Variants in SS18L1 observed in about 807,000 individuals in gnomAD.
SS18L1 encodes the protein calcium-responsive transactivator.
Under a neutral mutation model 70.3 loss-of-function variants are expected in SS18L1, and 32 were observed. The ratio of observed to expected loss-of-function variants is 0.46; its 90% CI spans 0.34 to 0.61. The LOEUF (loss-of-function observed/expected upper bound fraction) is 0.61, where lower values mean the gene tolerates loss of function less well. SS18L1 is among the 20% of genes least tolerant of loss of function. The pLI is 0.01. For missense variants in SS18L1, 430 were observed against 542.1 expected (o/e 0.79, Z 2.05); for synonymous variants, 237 against 229.7 (o/e 1.03, Z -0.29).
rs763967461 is a variant in SS18L1, at chr20:62,143,877, A to C, written c.57A>C (p.Gln19His). Residue 19 changes from glutamine to histidine, a missense_variant, in exon 1 of 11, where the codon CAA (glutamine) becomes CAC (histidine). Physicochemically the swap from Gln to His is conservative, Grantham distance 24. Coordinates refer to ENST00000331758, the MANE Select transcript of SS18L1 (RefSeq NM_198935.3). Reference protein sequence around the residue: ...RPRGKGEVTQQTIQKMLDENH... With the variant: ...RPRGKGEVTQHTIQKMLDENH... Reference sequence around the variant, plus strand: ...GAGGCAAAGGGGAGGTTACGCAGCAAACCATCCAGAAGGTGGGCCGGGCCG... The same window carrying C: ...GAGGCAAAGGGGAGGTTACGCAGCACACCATCCAGAAGGTGGGCCGGGCCG... The C allele has an allele frequency of 1.1e-5, 14 of 1,266,788 alleles. No homozygotes were observed. Among genetic ancestry groups the C allele is most frequent in the African/African-American group, 1.6e-5 (1 of 62,962 alleles). 78.5% of individuals were successfully genotyped at this position (1,266,788 alleles called of 1,614,324 possible).
intron 9 of SS18L1, among the ~76,000 whole-genome samples, chr20:62,173,240 C>T (rs1456529364): frequency 6.6e-6 from 1 of 152,188 alleles, no homozygotes; most frequent in African/African-American, 2.4e-5. Context: ...TTCACTGCAG[C>T]TTACAATCAC....
intron 1 of SS18L1, among the ~76,000 whole-genome samples, chr20:62,154,869 C>T (rs986567368): frequency 6.6e-6 from 1 of 152,172 alleles, no homozygotes; most frequent in Non-Finnish European, 1.5e-5. Context: ...TCCCTTTCTT[C>T]GTGATCTTTC....
chr20:62,145,686 C>A (rs1034526748), intron 1 of SS18L1, among the ~76,000 whole-genome samples: 1 of 152,210 alleles, frequency 6.6e-6, no homozygotes, highest in Non-Finnish European at 1.5e-5. Context: ...TGGGCAGAAA[C>A]TCAGCCTGCT....
At chr20:62,163,717 A>T in intron 6 of SS18L1, 95 bp downstream of exon 6, 2 of 1,420,656 alleles carry the variant, frequency 1.4e-6, no homozygotes, top group Non-Finnish European at 1.8e-6. Flanking sequence ...AGCCTGGGGG[A>T]GTGAGGCGGG....
chr20:62,154,828 C>T (rs1481158069), intron 1 of SS18L1, among the ~76,000 whole-genome samples: 5 of 152,300 alleles, frequency 3.3e-5, no homozygotes, highest in African/African-American at 1.2e-4. Context: ...GCTCCTGTCT[C>T]TGGGGCTCCT....
intron 1 of SS18L1, among the ~76,000 whole-genome samples, chr20:62,149,141 T>G (rs1005849563): frequency 1.4e-4 from 21 of 152,278 alleles, no homozygotes; most frequent in Non-Finnish European, 2.9e-4. Context: ...GGGCTGCAGG[T>G]GGTGGCAGTG....
chr20:62,163,016 G>A, intron 5 of SS18L1, 85 bp downstream of exon 5: 1 of 1,520,878 alleles, frequency 6.6e-7, no homozygotes, highest in Admixed American at 2.1e-5. Flanking sequence ...TGTGGTCCCG[G>A]GGAAGCTGCC....
At chr20:62,144,061 G>C (rs1003318876) in intron 1 of SS18L1, among the ~76,000 whole-genome samples, 172 bp downstream of exon 1, 1 of 148,864 alleles carries the variant, frequency 6.7e-6, no homozygotes, top group African/African-American at 2.4e-5. Flanking sequence ...ACGCCTGCGC[G>C]CCGGCGGGCA....
intron 5 of SS18L1, 45 bp from the exon 6 acceptor site, chr20:62,163,413 G>C: frequency 6.2e-7 from 1 of 1,608,982 alleles, no homozygotes; most frequent in South Asian, 1.1e-5. Context: ...GAGGGAGGGC[G>C]GGAGGCTTCC....
rs1045029857 is a variant in SS18L1 at position 62,181,416 on chromosome 20, A to G, written c.*2208A>G. On this transcript the variant is annotated 3_prime_UTR_variant, in exon 11 of 11. Coordinates refer to ENST00000331758, the MANE Select transcript of SS18L1 (RefSeq NM_198935.3). ...CCACTGAAAATGTTAAACATTTTAG[A>G]TAACTGTGAAGATAGTTTATTTTTA... The G allele has an allele frequency of 9.7e-6, 2 of 207,190 alleles. No individual in the cohort carries two copies. The highest frequency in any genetic ancestry group is 1.9e-4 in the South Asian group (1 of 5,286). 12.8% of individuals were successfully genotyped at this position (207,190 alleles called of 1,614,324 possible).
chr20:62,177,642 G>A (rs1246434186), intron 10 of SS18L1, among the ~76,000 whole-genome samples: 3 of 152,234 alleles, frequency 2.0e-5, no homozygotes, highest in East Asian at 1.9e-4. Flanking sequence ...CCACAGGTCC[G>A]ATGCTCCGTT....
chr20:62,150,960 A>G lies in SS18L1; in HGVS notation c.69+7071A>G, dbSNP rs79494794. On this transcript the variant is annotated intron_variant, in intron 1 of 10. Transcript: ENST00000331758. Reference sequence around the variant, plus strand: ...AGCCAGGGGTTCCTCCTGCAAAATTAAAAAGGTTCCAAAAGTCTTTGTAAT... The same window carrying G: ...AGCCAGGGGTTCCTCCTGCAAAATTGAAAAGGTTCCAAAAGTCTTTGTAAT... 9.4e-3 allele frequency among the ~76,000 whole-genome samples: 1,431 copies of G among 152,202 alleles called. 30 individuals are homozygous for G. The highest frequency in any genetic ancestry group is 0.033 in the African/African-American group (1,353 of 41,520).
chr20:62,167,034 G>GTTTTTTTTTTTT lies in SS18L1; in HGVS notation c.916+1523_916+1524insTTTTTTTTTTTT, dbSNP rs1235961398. On this transcript the variant is annotated intron_variant, in intron 8 of 10. Transcript: ENST00000331758. ...GGAGGAGGATTGCTTGAGCTCAGGAGTTTGTTTGTTTTTTTTTTTTTTTTT... is the reference window on the plus strand; with the variant it reads ...GGAGGAGGATTGCTTGAGCTCAGGAGTTTTTTTTTTTTTTTGTTTGTTTTTTTTTTTTTTTTT... 1.2e-4 allele frequency among the ~76,000 whole-genome samples: 15 copies of GTTTTTTTTTTTT among 123,492 alleles called. No homozygotes were observed. The East Asian group carries it at 3.4e-3, about 28-fold the overall frequency. 81.0% of individuals were successfully genotyped at this position (123,492 alleles called of 152,430 possible). A position where few individuals can be genotyped will look rare whatever the true frequency, so the allele number is the denominator to read the frequency against.
chr20:62,165,034 A>G (rs1298867129), intron 7 of SS18L1, among the ~76,000 whole-genome samples: 1 of 152,200 alleles, frequency 6.6e-6, no homozygotes, highest in East Asian at 1.9e-4. Context: ...AGGGCAAGCC[A>G]CCCTGGCCAC....
rs1568752415 is a variant in SS18L1, at chr20:62,163,538, T to C, written c.637T>C (p.Ser213Pro). ...CAGCCAGCACTACCAGGGCCAGTCG[T>C]CCATCGCCATGATGGGGCAGGGCAG... ...GGSQHYQGQS[S>P]IAMMGQGSQG... The change falls in exon 6 of 11, where the codon TCC (serine) becomes CCC (proline). Residue 213 changes from serine (S) to proline (P), a missense_variant. Ser to Pro is a moderately conservative substitution (Grantham distance 74, BLOSUM62 -1). Coordinates refer to ENST00000331758, the MANE Select transcript of SS18L1 (RefSeq NM_198935.3). 1.2e-6 allele frequency: 2 copies of C among 1,611,478 alleles called. No homozygotes were observed. Among genetic ancestry groups the C allele is most frequent in the Non-Finnish European group, 1.7e-6 (2 of 1,179,718 alleles).
Position 62,158,618 on chromosome 20 carries a change from C to A in SS18L1, c.70-54C>A. 6.3e-7 allele frequency: 1 copy of A among 1,595,630 alleles called. No homozygotes were observed. On this transcript the variant is annotated intron_variant, in intron 1 of 10. Coordinates refer to ENST00000331758, the MANE Select transcript of SS18L1 (RefSeq NM_198935.3). This position sits in a 1 kb window ranked among gnomAD's most constrained non-coding sequence, Gnocchi z 4.5. The stretch of plus-strand genomic sequence containing the variant: ...GATGTGTAGCGATGGCTGTTCATCC[C>A]GAGGGTCAGCGACAGCCCCGCGTCG...
At chr20:62,157,918 G>A (rs1175999198) in intron 1 of SS18L1, among the ~76,000 whole-genome samples, 2 of 151,806 alleles carry the variant, frequency 1.3e-5, no homozygotes, top group East Asian at 1.9e-4. Context: ...TGCCGTCCCT[G>A]ACCCCCCCAG....
rs2057696411 is a variant in SS18L1 at position 62,180,922 on chromosome 20, ATAAGT to A, written c.*1718_*1722del. On this transcript the variant is annotated 3_prime_UTR_variant, in exon 11 of 11. Coordinates refer to ENST00000331758, the MANE Select transcript of SS18L1 (RefSeq NM_198935.3). ...AAAAAATAAATAAATAAATAAATAA[ATAAGT>A]TAAAATTAATTCTTTATCCAGAGTC... 1 of 174,778 alleles carries A rather than the reference ATAAGT, an allele frequency of 5.7e-6. No homozygotes were observed. Among genetic ancestry groups the A allele is most frequent in the African/African-American group, 2.4e-5 (1 of 42,130 alleles). The allele number at this position is 174,778 out of a possible 1,614,324, so 10.8% of individuals were successfully genotyped here.
chr20:62,151,048 G>A (rs1054668770), intron 1 of SS18L1, among the ~76,000 whole-genome samples: 3 of 152,164 alleles, frequency 2.0e-5, no homozygotes, highest in African/African-American at 4.8e-5. Flanking sequence ...AGCCAGCCCC[G>A]GCAGTGAGCC....
Sources: allele counts gnomAD v4.1 joint callset (sites outside exome capture counted in the v4.1 genomes callset), GRCh38; gene constraint gnomAD v4.1.1; non-coding constraint Gnocchi (gnomAD v3.1); transcripts MANE v1.5; gene names NCBI Gene and HGNC (gene_info 2026-07-23, HGNC 2026-07-21).